The following DERPC variants were observed in gnomAD, a reference collection of about 807,000 sequenced individuals.
The protein encoded by DERPC is decreased expression in renal and prostate cancer protein.
In DERPC, 1 loss-of-function variant was observed where a neutral mutation model predicts 7.2. The observed-to-expected ratio is 0.14, with a 90% confidence interval of 0.05 to 0.66. The LOEUF is 0.66. Ranked by LOEUF, DERPC falls within the 30% of genes least tolerant of loss-of-function variation. The pLI, the probability that DERPC is intolerant of heterozygous loss-of-function variation, is 0.84. For missense variants in DERPC, 502 were observed against 299.4 expected (o/e 1.68, Z -4.99); for synonymous variants, 185 against 117.6 (o/e 1.57, Z -3.71).
In DERPC at chr16:69,128,666, C is replaced by T. The variant is rs374100151; in HGVS notation, c.-280+3818G>A. Among the ~76,000 whole-genome samples, 10 of 152,340 alleles carry T rather than the reference C, an allele frequency of 6.6e-5. 1 individual carries two copies. The highest frequency in any genetic ancestry group is 2.2e-4 in the African/African-American group (9 of 41,578). On this transcript the variant is annotated intron_variant, in intron 1 of 2. Transcript: ENST00000519520. ...AATCAATCCTGACCCACAATGGGAA[C>T]CCTACCCAAAACTAAAAAGCTTTGG...
In DERPC at chr16:69,118,143, C is replaced by A; in HGVS notation, c.*711G>T. The A allele has an allele frequency of 8.6e-6, 3 of 347,860 alleles. No homozygotes were observed. The highest frequency in any genetic ancestry group is 1.7e-5 in the Non-Finnish European group (3 of 180,692). The allele number at this position is 347,860 out of a possible 1,614,324, so 21.5% of individuals were successfully genotyped here. A position where few individuals can be genotyped will look rare whatever the true frequency, so the allele number is the denominator to read the frequency against. ...TCATCCCCCACCCCCACCCTAATTC[C>A]CATATTCCCATCCACATCAGTTTAA... On this transcript the variant is annotated 3_prime_UTR_variant, in exon 3 of 3. Transcript: ENST00000519520.
chr16:69,122,299 C>G (rs1023640908), intron 1 of DERPC, among the ~76,000 whole-genome samples: 1 of 151,874 alleles, frequency 6.6e-6, no homozygotes, highest in East Asian at 1.9e-4. Context: ...TGATATGAAC[C>G]GAAGACATAC....
At position 69,121,470 on chromosome 16, in the gene DERPC, C is replaced by CT. The variant is rs1393687902; in HGVS notation, c.-257dup. ...ACAATTTGCACCATGAGCTTTCTGT[C>CT]TTTAAAAAGCAAGTGAAAACAAGCT... On this transcript the variant is annotated 5_prime_UTR_variant, in exon 2 of 3. Coordinates refer to ENST00000519520, the MANE Select transcript of DERPC (RefSeq NM_001002847.4). The CT allele has an allele frequency of 5.6e-6, 9 of 1,597,940 alleles. No homozygotes were observed. Among genetic ancestry groups the CT allele is most frequent in the Non-Finnish European group, 6.8e-6 (8 of 1,175,244 alleles).
rs376410837 is a variant in DERPC, at chr16:69,120,434, C to T, written c.-6G>A. On this transcript the variant is annotated 5_prime_UTR_variant, in exon 3 of 3. Coordinates refer to ENST00000519520, the MANE Select transcript of DERPC (RefSeq NM_001002847.4). This position sits in a 1 kb window ranked among gnomAD's most constrained non-coding sequence, Gnocchi z 4.0. Reference sequence around the variant, plus strand: ...AAAATCCGAGGTTCTTTCATACTTTCTTGGGGACGCTGGTGATAATGGGCT... The same window carrying T: ...AAAATCCGAGGTTCTTTCATACTTTTTTGGGGACGCTGGTGATAATGGGCT... 2.5e-6 allele frequency: 4 copies of T among 1,614,054 alleles called. No individual in the cohort carries two copies. Among genetic ancestry groups the T allele is most frequent in the African/African-American group, 2.7e-5 (2 of 74,944 alleles).
Position 69,119,607 on chromosome 16 carries a change from A to G in DERPC, c.822T>C (p.Asp274=). ...CTGCTGCTCTTAGAATGGGGGCAAG[A>G]TCGAGGCCTTGAGGTCCAGCCATTC... is the stretch of plus-strand genomic sequence containing the variant. ...NLRMAGPQGL[D]LAPILRAAGL... The change falls in exon 3 of 3, where the codon GAT becomes GAC. Residue 274 remains aspartate, a synonymous_variant. Transcript: ENST00000519520. The G allele has an allele frequency of 1.4e-6, 1 of 698,328 alleles. No individual in the cohort carries two copies. The highest frequency in any genetic ancestry group is 2.6e-6 in the Non-Finnish European group (1 of 382,134). 43.3% of individuals were successfully genotyped at this position (698,328 alleles called of 1,614,324 possible). A position where few individuals can be genotyped will look rare whatever the true frequency, so the allele number is the denominator to read the frequency against.
intron 1 of DERPC, among the ~76,000 whole-genome samples, chr16:69,131,064 A>G (rs1962470945): frequency 6.6e-6 from 1 of 152,198 alleles, no homozygotes; most frequent in South Asian, 2.1e-4. Flanking sequence ...ACAGGTCTAT[A>G]CTTTTGAAGG....
rs1262899434 is a variant in DERPC at position 69,120,558 on chromosome 16, G to A, written c.-130C>T. On this transcript the variant is annotated 5_prime_UTR_variant, in exon 3 of 3. Coordinates refer to ENST00000519520, the MANE Select transcript of DERPC (RefSeq NM_001002847.4). The surrounding 1 kb of genome is among the most constrained non-coding windows in gnomAD (Gnocchi z 4.0). Reference sequence around the variant, plus strand: ...AAGCTCATCACAGTCCTGATCCCCAGGAGTGTGTTTGACAAGGACTGCAAA... The same window carrying A: ...AAGCTCATCACAGTCCTGATCCCCAAGAGTGTGTTTGACAAGGACTGCAAA... 4 of 1,614,154 alleles carry A rather than the reference G, an allele frequency of 2.5e-6. No individual in the cohort carries two copies. Among genetic ancestry groups the A allele is most frequent in the Admixed American group, 1.7e-5 (1 of 60,016 alleles).
At chr16:69,127,393 A>G (rs1038207461) in intron 1 of DERPC, among the ~76,000 whole-genome samples, 2 of 152,052 alleles carry the variant, frequency 1.3e-5, no homozygotes, top group East Asian at 3.9e-4. Context: ...AATTATCTGT[A>G]TAAGAAGAAT....
At chr16:69,131,684 C>T (rs1362615668) in intron 1 of DERPC, among the ~76,000 whole-genome samples, 3 of 150,432 alleles carry the variant, frequency 2.0e-5, no homozygotes, top group Admixed American at 6.6e-5. Flanking sequence ...CTTTAAACCG[C>T]CTTCCTCCAC....
intron 1 of DERPC, among the ~76,000 whole-genome samples, chr16:69,130,718 C>T (rs1460156330): frequency 6.6e-6 from 1 of 152,146 alleles, no homozygotes; most frequent in Non-Finnish European, 1.5e-5. Context: ...TATCGATTTC[C>T]CAGAGAAAGG....
At chr16:69,121,603 G>C (rs768473924) in intron 1 of DERPC, 110 bp from the exon 2 acceptor site, 3 of 620,466 alleles carry the variant, frequency 4.8e-6, no homozygotes, top group South Asian at 2.1e-5. Flanking sequence ...TCAGCCTCCC[G>C]AGTAGCTGGG....
chr16:69,120,577 C>A lies in DERPC; in HGVS notation c.-149G>T, dbSNP rs1961574979. ...TCCCCAGGAGTGTGTTTGACAAGGA[C>A]TGCAAAAGGTTTCTCCAGGTGGATG... On this transcript the variant is annotated 5_prime_UTR_variant, in exon 3 of 3. Coordinates refer to ENST00000519520, the MANE Select transcript of DERPC (RefSeq NM_001002847.4). This position sits in a 1 kb window ranked among gnomAD's most constrained non-coding sequence, Gnocchi z 4.0. 2 of 1,613,996 alleles carry A rather than the reference C, an allele frequency of 1.2e-6. No individual in the cohort carries two copies. The highest frequency in any genetic ancestry group is 1.1e-5 in the South Asian group (1 of 91,086).
chr16:69,126,785 ATAT>A (rs1962090139), intron 1 of DERPC, among the ~76,000 whole-genome samples: 1 of 152,298 alleles, frequency 6.6e-6, no homozygotes, highest in Admixed American at 6.5e-5. Flanking sequence ...GCACCTTAAA[ATAT>A]CCTGTAACAC....
chr16:69,121,080 G>A lies in DERPC; in HGVS notation c.-222+356C>T, dbSNP rs190460987. 39 of 1,614,094 alleles carry A rather than the reference G, an allele frequency of 2.4e-5. No homozygotes were observed. In the Admixed American group the frequency reaches 3.5e-4, roughly 14 times the overall value. On this transcript the variant is annotated intron_variant, in intron 2 of 2. Transcript: ENST00000519520. ...CAGTGGTGTAATGTAGGTCTCCCAG[G>A]AGGTTTCCAGCTAATCCAGTGCTGT...
At chr16:69,128,159 C>G (rs919103458) in intron 1 of DERPC, among the ~76,000 whole-genome samples, 1 of 152,086 alleles carries the variant, frequency 6.6e-6, no homozygotes, top group Non-Finnish European at 1.5e-5. Context: ...ATGATCCACC[C>G]GCCTCGGCCT....
Position 69,125,827 on chromosome 16 carries a change from T to C in DERPC, c.-279-4334A>G, listed in dbSNP as rs1373867548. Among the ~76,000 whole-genome samples the C allele has an allele frequency of 2.6e-5, 4 of 152,364 alleles. No homozygotes were observed. The South Asian group carries it at 6.2e-4, about 24-fold the overall frequency. ...CCTGTAAGTGTGGACCTCTTTACTG[T>C]GTAGTCAAGAACAAGTCACTTTGTG... On this transcript the variant is annotated intron_variant, in intron 1 of 2. Coordinates refer to ENST00000519520, the MANE Select transcript of DERPC (RefSeq NM_001002847.4).
In DERPC at chr16:69,121,483, G is replaced by A. The variant is rs1048366961; in HGVS notation, c.-269C>T. On this transcript the variant is annotated 5_prime_UTR_variant, in exon 2 of 3. Transcript: ENST00000519520. ...TGAGCTTTCTGTCTTTAAAAAGCAA[G>A]TGAAAACAAGCTGTAGAGAGAAAAA... The A allele has an allele frequency of 3.6e-5, 57 of 1,594,150 alleles. No homozygotes were observed. The highest frequency in any genetic ancestry group is 4.5e-5 in the East Asian group (2 of 44,794).
chr16:69,119,185 C>A lies in DERPC; in HGVS notation c.1244G>T (p.Arg415Met). ...ACTTGGACCCTGCAGGCCAGTGGCC[C>A]TTGGGAAGTTAGCTGGGTTGGGGCC... ...PLGPNPANFP[R>M]ATGLQGPSPT... The change falls in exon 3 of 3, where the codon AGG becomes ATG. Residue 415 changes from arginine (R) to methionine (M), a missense_variant. Physicochemically the swap from Arg to Met is moderately conservative, Grantham distance 91. Coordinates refer to ENST00000519520, the MANE Select transcript of DERPC (RefSeq NM_001002847.4). 1.4e-6 allele frequency: 1 copy of A among 703,030 alleles called. No individual in the cohort carries two copies. Among genetic ancestry groups the A allele is most frequent in the South Asian group, 1.5e-5 (1 of 67,564 alleles). The allele number at this position is 703,030 out of a possible 1,614,324, so 43.5% of individuals were successfully genotyped here. A position where few individuals can be genotyped will look rare whatever the true frequency, so the allele number is the denominator to read the frequency against.
At chr16:69,124,362 A>C (rs572835468) in intron 1 of DERPC, among the ~76,000 whole-genome samples, 3 of 152,304 alleles carry the variant, frequency 2.0e-5, no homozygotes, top group South Asian at 4.1e-4. Context: ...TAGTATGGAA[A>C]GTTAATAGGT....
Sources: allele counts gnomAD v4.1 joint callset (sites outside exome capture counted in the v4.1 genomes callset), GRCh38; gene constraint gnomAD v4.1.1; non-coding constraint Gnocchi (gnomAD v3.1); transcripts MANE v1.5; gene names NCBI Gene and HGNC (gene_info 2026-07-23, HGNC 2026-07-21).